SLC19A3: variants seen among roughly 807,000 people sequenced by gnomAD.
SLC19A3 encodes thiamine transporter 2.
SLC19A3 carries 31 observed loss-of-function variants against 40.2 expected under a neutral mutation model. The observed-to-expected ratio is 0.77, with a 90% CI of 0.58 to 1.04. The LOEUF (loss-of-function observed/expected upper bound fraction) is 1.04, where lower values mean the gene tolerates loss of function less well. SLC19A3 is among the 50% of genes least tolerant of loss of function. The pLI, the probability that SLC19A3 is intolerant of heterozygous loss-of-function variation, is 0.00. For synonymous variants in SLC19A3, 212 were observed against 227.5 expected (o/e 0.93, Z 0.61); for missense variants, 592 against 596.7 (o/e 0.99, Z 0.08).
rs1491266089 is a variant in SLC19A3, at chr2:227,707,619, AAC to A, written c.-2-5301_-2-5300del. Among the ~76,000 whole-genome samples, 490 of 147,466 alleles carry A rather than the reference AAC, an allele frequency of 3.3e-3. 7 individuals are homozygous for A. In the East Asian group the frequency reaches 0.075, roughly 23 times the overall value. The stretch of plus-strand genomic sequence containing the variant: ...AATAAAATAAAATATAATAAAAAAA[AAC>A]AAATTTAAAAAATAATGGAAATAAT... On this transcript the variant is annotated intron_variant, in intron 1 of 5. Coordinates refer to ENST00000644224, the MANE Select transcript of SLC19A3 (RefSeq NM_025243.4).
At chr2:227,708,473 C>T (rs1439753966) in intron 1 of SLC19A3, among the ~76,000 whole-genome samples, 3 of 152,088 alleles carry the variant, frequency 2.0e-5, no homozygotes, top group Admixed American at 1.3e-4. Context: ...GTGGCTCATG[C>T]CTGTAATCCC....
chr2:227,687,254 T>C lies in SLC19A3; in HGVS notation c.*143A>G. 1.2e-5 allele frequency: 10 copies of C among 804,114 alleles called. No homozygotes were observed. In the South Asian group the frequency reaches 1.9e-4, roughly 15 times the overall value. 49.8% of individuals were successfully genotyped at this position (804,114 alleles called of 1,614,324 possible). A position where few individuals can be genotyped will look rare whatever the true frequency, so the allele number is the denominator to read the frequency against. On this transcript the variant is annotated 3_prime_UTR_variant, in exon 6 of 6. Coordinates refer to ENST00000644224, the MANE Select transcript of SLC19A3 (RefSeq NM_025243.4). ...ATAGAGAACTCATCTAAAACTGAGG[T>C]TTTGTTGTGGTTTTGAAAGGTCCAT...
intron 1 of SLC19A3, among the ~76,000 whole-genome samples, chr2:227,705,571 C>T (rs1326146295): frequency 6.6e-6 from 1 of 152,022 alleles, no homozygotes; most frequent in Non-Finnish European, 1.5e-5. Flanking sequence ...GGAATCGCCA[C>T]ACTGTCTTCC....
rs1162427474 is a variant in SLC19A3 at position 227,684,019 on chromosome 2, G to C, written c.*3378C>G. The C allele has an allele frequency of 6.6e-6, 1 of 152,056 alleles. No individual in the cohort carries two copies. The highest frequency in any genetic ancestry group is 1.5e-5 in the Non-Finnish European group (1 of 68,014). The allele number at this position is 152,056 out of a possible 1,614,324, so 9.4% of individuals were successfully genotyped here. ...TTGCCATGTTGCCTAGGCTGGTTTT[G>C]AACTCCTGAACTCAAGCAATCCACC... On this transcript the variant is annotated 3_prime_UTR_variant, in exon 6 of 6. Coordinates refer to ENST00000644224, the MANE Select transcript of SLC19A3 (RefSeq NM_025243.4).
At chr2:227,711,382 T>TC in intron 1 of SLC19A3, among the ~76,000 whole-genome samples, 1 of 151,690 alleles carries the variant, frequency 6.6e-6, no homozygotes, top group African/African-American at 2.4e-5. Context: ...ATAGTGCCAC[T>TC]GCATTGTGGC....
At position 227,687,603 on chromosome 2, in the gene SLC19A3, T is replaced by C. The variant is rs1283250903; in HGVS notation, c.1315-30A>G. On this transcript the variant is annotated intron_variant, in intron 5 of 5. Coordinates refer to ENST00000644224, the MANE Select transcript of SLC19A3 (RefSeq NM_025243.4). ...AGAAAAACAAATAATTAGCCACATATAAAATATGACCATCTATGTCAATGA... is the reference window on the plus strand; with the variant it reads ...AGAAAAACAAATAATTAGCCACATACAAAATATGACCATCTATGTCAATGA... 4 of 1,606,264 alleles carry C rather than the reference T, an allele frequency of 2.5e-6. No homozygotes were observed. The African/African-American group carries it at 4.0e-5, about 16-fold the overall frequency.
Position 227,685,828 on chromosome 2 carries a change from G to A in SLC19A3, c.*1569C>T, listed in dbSNP as rs916941704. On this transcript the variant is annotated 3_prime_UTR_variant, in exon 6 of 6. Transcript: ENST00000644224. ...AGGTATGTTCAGATAATTTTCAGCA[G>A]AATTCATCAAAAAATGTTAACAACT... The A allele has an allele frequency of 4.3e-5, 7 of 163,554 alleles. No individual in the cohort carries two copies. The highest frequency in any genetic ancestry group is 1.7e-4 in the African/African-American group (7 of 41,536). The allele number at this position is 163,554 out of a possible 1,614,324, so 10.1% of individuals were successfully genotyped here.
At chr2:227,698,365 G>A (rs1167490243) in intron 3 of SLC19A3, among the ~76,000 whole-genome samples, 2 of 151,764 alleles carry the variant, frequency 1.3e-5, no homozygotes, top group Admixed American at 6.6e-5. Flanking sequence ...GTTTCACCGT[G>A]TTAGCCAGGA....
chr2:227,700,814 A>G (rs1181282519), intron 2 of SLC19A3: 2 of 722,678 alleles, frequency 2.8e-6, no homozygotes, highest in Non-Finnish European at 4.0e-6. Context: ...TTAGTCAGAA[A>G]TGCATGGGAT....
At chr2:227,717,309 AC>A (rs1238295574) in intron 1 of SLC19A3, among the ~76,000 whole-genome samples, 1 of 152,138 alleles carries the variant, frequency 6.6e-6, no homozygotes, top group Non-Finnish European at 1.5e-5. Context: ...GCCTGAGAGT[AC>A]TTTTAGAAAA....
chr2:227,694,891 CA>C lies in SLC19A3; in HGVS notation c.1172+997del, dbSNP rs578257167. Reference sequence around the variant, plus strand: ...GGAACACAGTGACACTCTGTCTCTACAAAAATGAAAATTAAAAATTTAGCCA... The same window carrying C: ...GGAACACAGTGACACTCTGTCTCTACAAAATGAAAATTAAAAATTTAGCCA... On this transcript the variant is annotated intron_variant, in intron 4 of 5. Transcript: ENST00000644224. Among the ~76,000 whole-genome samples the C allele has an allele frequency of 2.0e-5, 3 of 151,902 alleles. No homozygotes were observed. In the South Asian group the frequency reaches 6.3e-4, roughly 32 times the overall value.
intron 1 of SLC19A3, among the ~76,000 whole-genome samples, chr2:227,713,601 T>C (rs1221400937): frequency 1.3e-5 from 2 of 152,170 alleles, no homozygotes; most frequent in East Asian, 3.9e-4. Flanking sequence ...CCTCTGACCA[T>C]GTGATACCTG....
chr2:227,717,005 T>C (rs1193510848), intron 1 of SLC19A3, among the ~76,000 whole-genome samples: 1 of 142,852 alleles, frequency 7.0e-6, no homozygotes, highest in Non-Finnish European at 1.5e-5. Context: ...TTTTTTTTTT[T>C]TTTTTTTTTT....
chr2:227,694,276 G>C (rs988470132), intron 4 of SLC19A3, among the ~76,000 whole-genome samples: 3 of 151,960 alleles, frequency 2.0e-5, no homozygotes, highest in African/African-American at 4.8e-5. Flanking sequence ...CAAAGTGCTG[G>C]GATTACAGGC....
chr2:227,687,513 AC>A lies in SLC19A3; in HGVS notation c.1374del (p.Met458IlefsTer55), dbSNP rs1406230125. 1 of 1,614,008 alleles carries A rather than the reference AC, an allele frequency of 6.2e-7. No homozygotes were observed. Among genetic ancestry groups the A allele is most frequent in the Non-Finnish European group, 8.5e-7 (1 of 1,179,998 alleles). ...TGGGATTTGGTTGAGTAGGTAATAT[AC>A]ATGCTTCTCATTAGGAAAATTCCAG... ...VIAGIFLMRSMYITYSTKSQK... is the reference protein window; with the variant it reads ...VIAGIFLMRSXYITYSTKSQK... On this transcript the variant is annotated frameshift_variant, in exon 6 of 6. Transcript: ENST00000644224. LOFTEE classifies it low-confidence loss of function (END_TRUNC).
intron 4 of SLC19A3, among the ~76,000 whole-genome samples, chr2:227,688,967 A>T (rs1409773775): frequency 6.6e-6 from 1 of 152,182 alleles, no homozygotes. Flanking sequence ...GCTGTGGTTG[A>T]AAAATGCAAT....
chr2:227,687,478 T>A lies in SLC19A3; in HGVS notation c.1410A>T (p.Val470=), dbSNP rs747122266. ...ITYSTKSQKD[V]QSPAPSENPD... ...GATTCTCACTTGGAGCAGGGCTCTG[T>A]ACATCCTTCTGGGATTTGGTTGAGT... is the stretch of plus-strand genomic sequence containing the variant. The change falls in exon 6 of 6, where the codon GTA becomes GTT. Residue 470 remains valine (V), a synonymous_variant. Transcript: ENST00000644224. 2.5e-6 allele frequency: 4 copies of A among 1,614,060 alleles called. No individual in the cohort carries two copies. The highest frequency in any genetic ancestry group is 1.7e-5 in the Admixed American group (1 of 60,002).
intron 1 of SLC19A3, 35 bp from the exon 2 acceptor site, chr2:227,702,355 T>G (rs772117730): frequency 4.4e-5 from 71 of 1,610,800 alleles, no homozygotes; most frequent in Middle Eastern, 1.6e-4. Context: ...AATTAAGTGA[T>G]GCTTATTCTT....
Position 227,684,753 on chromosome 2 carries a change from C to G in SLC19A3, c.*2644G>C, listed in dbSNP as rs190011414. The stretch of plus-strand genomic sequence containing the variant: ...ATCCCAACACTTTGGGAGACCGAGA[C>G]GGGCGGATCACCTGAGACCAGGAGT... On this transcript the variant is annotated 3_prime_UTR_variant, in exon 6 of 6. Transcript: ENST00000644224. 1.3e-5 allele frequency: 2 copies of G among 152,086 alleles called. No individual in the cohort carries two copies. The highest frequency in any genetic ancestry group is 2.9e-5 in the Non-Finnish European group (2 of 68,046). The allele number at this position is 152,086 out of a possible 1,614,324, so 9.4% of individuals were successfully genotyped here. A position where few individuals can be genotyped will look rare whatever the true frequency, so the allele number is the denominator to read the frequency against.
Sources: allele counts gnomAD v4.1 joint callset (sites outside exome capture counted in the v4.1 genomes callset), GRCh38; gene constraint gnomAD v4.1.1; transcripts MANE v1.5; gene names NCBI Gene and HGNC (gene_info 2026-07-23, HGNC 2026-07-21).